The following PPP2R2B variants were observed in gnomAD, a reference collection of about 807,000 sequenced individuals.
PPP2R2B encodes serine/threonine-protein phosphatase 2A 55 kDa regulatory subunit B beta isoform.
PPP2R2B carries 5 observed loss-of-function variants against 46.0 expected under a neutral mutation model. The ratio of observed to expected loss-of-function variants is 0.11; its 90% CI spans 0.06 to 0.23. The LOEUF (loss-of-function observed/expected upper bound fraction) is 0.23. PPP2R2B is among the 10% of genes least tolerant of loss of function. The probability of loss-of-function intolerance (pLI) is 1.00; values close to 1 mark genes in which losing one functional copy is unlikely to be tolerated. For synonymous variants in PPP2R2B, 215 were observed against 206.7 expected (o/e 1.04, Z -0.34); for missense variants, 367 against 575.0 (o/e 0.64, Z 3.70).
At chr5:146,981,454 GGTT>G (rs1753175117) in intron 1 of PPP2R2B, among the ~76,000 whole-genome samples, 1 of 151,634 alleles carries the variant, frequency 6.6e-6, no homozygotes. Context: ...TCGAGAATTC[GGTT>G]GTGAGTCTGA....
At chr5:146,624,826 A>T (rs973021317) in intron 7 of PPP2R2B, among the ~76,000 whole-genome samples, 1 of 152,078 alleles carries the variant, frequency 6.6e-6, no homozygotes, top group Admixed American at 6.6e-5. Flanking sequence ...CTCTCATGCT[A>T]TTCCTCCTTA....
Position 146,822,267 on chromosome 5 carries a change from G to A in PPP2R2B, c.70+55735C>T, listed in dbSNP as rs185094914. ...GCGATCTTCTGGAAAGCATAACTCAGATTACATCATTTTCTTGCTTCTAAG... is the reference window on the plus strand; with the variant it reads ...GCGATCTTCTGGAAAGCATAACTCAAATTACATCATTTTCTTGCTTCTAAG... On this transcript the variant is annotated intron_variant, in intron 2 of 9. Transcript: ENST00000394411. 2.5e-3 allele frequency among the ~76,000 whole-genome samples: 381 copies of A among 152,284 alleles called. 1 individual carries two copies. The highest frequency in any genetic ancestry group is 8.9e-3 in the African/African-American group (371 of 41,558).
At chr5:146,976,993 A>T (rs998692999) in intron 1 of PPP2R2B, among the ~76,000 whole-genome samples, 1 of 152,126 alleles carries the variant, frequency 6.6e-6, no homozygotes, top group South Asian at 2.1e-4. Context: ...AGCCCATTTC[A>T]TATAATAACA....
intron 1 of PPP2R2B, among the ~76,000 whole-genome samples, chr5:146,956,611 A>T (rs920737213): frequency 2.9e-4 from 44 of 152,192 alleles, no homozygotes. Context: ...ACCAGTCCAT[A>T]GACTTGAGAT....
intron 1 of PPP2R2B, among the ~76,000 whole-genome samples, chr5:147,000,009 C>T (rs1754090965): frequency 1.3e-5 from 2 of 151,900 alleles, no homozygotes; most frequent in Admixed American, 1.3e-4. Flanking sequence ...TACCTGCATT[C>T]CAAAAAAAAA....
intron 2 of PPP2R2B, among the ~76,000 whole-genome samples, chr5:146,838,096 T>G (rs893590498): frequency 1.3e-5 from 2 of 152,198 alleles, no homozygotes; most frequent in African/African-American, 4.8e-5. Flanking sequence ...ATATGTTGAA[T>G]GAATAAATGA....
chr5:147,059,982 G>T (rs1228427217), upstream of PPP2R2B, among the ~76,000 whole-genome samples: 3 of 151,982 alleles, frequency 2.0e-5, no homozygotes, highest in Admixed American at 6.6e-5. Flanking sequence ...ACCTCTTTTG[G>T]GGGAAGTTTC....
At chr5:147,025,733 C>A (rs1252889050) in intron 1 of PPP2R2B, among the ~76,000 whole-genome samples, 1 of 151,948 alleles carries the variant, frequency 6.6e-6, no homozygotes, top group African/African-American at 2.4e-5. Flanking sequence ...TATAAGAAAG[C>A]AAACAATCCA....
chr5:147,080,516 A>T (rs1000119146), intron 2 of PPP2R2B, among the ~76,000 whole-genome samples: 2 of 152,310 alleles, frequency 1.3e-5, no homozygotes, highest in Middle Eastern at 3.4e-3. Flanking sequence ...AAAGAAAATT[A>T]AAAAGTTCTT....
In PPP2R2B at chr5:146,650,554, T is replaced by A. The variant is rs1197986070; in HGVS notation, c.618A>T (p.Gln206His). ...ATCACAAAGAAAGGATACTAAAACT[T>A]TGATTGGTTATTTCAAAGTTCCATA... Reference protein sequence around the residue: ...INLWNFEITNQSFNIVDIKPA... With the variant: ...INLWNFEITNHSFNIVDIKPA... Residue 206 changes from glutamine (Q) to histidine (H), a missense_variant, in exon 6 of 10, where the codon CAA becomes CAT. Transcript: ENST00000394411. 1.1e-5 allele frequency: 17 copies of A among 1,612,972 alleles called. No individual in the cohort carries two copies. Among genetic ancestry groups the A allele is most frequent in the Non-Finnish European group, 1.4e-5 (17 of 1,179,428 alleles).
At chr5:146,981,978 A>C (rs1753198939) in intron 1 of PPP2R2B, among the ~76,000 whole-genome samples, 1 of 152,204 alleles carries the variant, frequency 6.6e-6, no homozygotes. Flanking sequence ...TCAATGATGG[A>C]GTTTCCTTAT....
At chr5:146,824,714 T>C (rs1244676198) in intron 2 of PPP2R2B, among the ~76,000 whole-genome samples, 1 of 151,644 alleles carries the variant, frequency 6.6e-6, no homozygotes, top group Non-Finnish European at 1.5e-5. Flanking sequence ...TAGTCCTAAA[T>C]TGAGAAAAAT....
chr5:146,647,121 T>C (rs1775629715), intron 6 of PPP2R2B, among the ~76,000 whole-genome samples: 1 of 98,616 alleles, frequency 1.0e-5, no homozygotes, highest in Admixed American at 1.1e-4. Context: ...CTTGTCTCAC[T>C]ATTTACTTAA....
At chr5:146,640,255 C>T (rs1775107482) in intron 6 of PPP2R2B, among the ~76,000 whole-genome samples, 1 of 152,228 alleles carries the variant, frequency 6.6e-6, no homozygotes, top group Admixed American at 6.5e-5. Flanking sequence ...GCTAACAGTA[C>T]ATGTTACTAC....
intron 2 of PPP2R2B, among the ~76,000 whole-genome samples, chr5:146,818,757 TTA>T (rs1758084230): frequency 1.3e-5 from 2 of 152,116 alleles, no homozygotes; most frequent in African/African-American, 4.8e-5. Flanking sequence ...CATTAACAGG[TTA>T]ATAGAAAGGA....
intron 5 of PPP2R2B, among the ~76,000 whole-genome samples, chr5:146,660,222 A>G (rs1468355301): frequency 1.3e-5 from 2 of 152,246 alleles, no homozygotes; most frequent in African/African-American, 4.8e-5. Context: ...TAGAGTATGT[A>G]CAATGACTGT....
intron 1 of PPP2R2B, among the ~76,000 whole-genome samples, chr5:147,028,497 A>C (rs1755631212): frequency 6.6e-6 from 1 of 152,202 alleles, no homozygotes; most frequent in African/African-American, 2.4e-5. Context: ...TGTTTTTGAA[A>C]TGTGTATAAA....
rs373740293 is a variant in PPP2R2B, at chr5:146,590,385, G to GT, written c.1053-160dup. ...TCTGCAGTGTGATTATTGGCTTTTT[G>GT]TTTTTTTTTTGTGTTTTTTTTTTTT... is the stretch of plus-strand genomic sequence containing the variant. On this transcript the variant is annotated intron_variant, in intron 9 of 9. Coordinates refer to ENST00000394411, the MANE Select transcript of PPP2R2B (RefSeq NM_181675.4). Among the ~76,000 whole-genome samples, 865 of 117,652 alleles carry GT rather than the reference G, an allele frequency of 7.4e-3. 4 individuals carry two copies. The highest frequency in any genetic ancestry group is 0.01 in the Non-Finnish European group (541 of 53,670). 77.2% of individuals were successfully genotyped at this position (117,652 alleles called of 152,430 possible).
intron 2 of PPP2R2B, among the ~76,000 whole-genome samples, chr5:146,752,805 G>A (rs1017092851): frequency 4.6e-5 from 7 of 152,180 alleles, no homozygotes; most frequent in African/African-American, 1.4e-4. Flanking sequence ...GGAGCTTCCA[G>A]CAGCCTGGCA....
Sources: allele counts gnomAD v4.1 joint callset (sites outside exome capture counted in the v4.1 genomes callset), GRCh38; gene constraint gnomAD v4.1.1; transcripts MANE v1.5; gene names NCBI Gene and HGNC (gene_info 2026-07-23, HGNC 2026-07-21).